Variants in GTF2I observed in about 807,000 individuals in gnomAD.
GTF2I encodes the protein general transcription factor IIi.
In GTF2I, 12 loss-of-function variants were observed where a neutral mutation model predicts 67.6. The ratio of observed to expected loss-of-function variants is 0.18; its 90% confidence interval spans 0.11 to 0.29. The LOEUF (loss-of-function observed/expected upper bound fraction) is 0.29. Among genes scored for constraint, GTF2I ranks in the 10% least tolerant of loss-of-function variants. The pLI, the probability that GTF2I is intolerant of heterozygous loss-of-function variation, is 1.00. For missense variants in GTF2I, 271 were observed against 580.1 expected (o/e 0.47, Z 5.47); for synonymous variants, 149 against 197.0 (o/e 0.76, Z 2.04).
At chr7:74,678,565 C>G (rs148212934) in intron 1 of GTF2I, among the ~76,000 whole-genome samples, 2 of 152,106 alleles carry the variant, frequency 1.3e-5, no homozygotes, top group Non-Finnish European at 2.9e-5. Flanking sequence ...CCTGGTGTTT[C>G]TCATCAGTTT....
At chr7:74,681,117 GAGAAT>G (rs1483972567) in intron 1 of GTF2I, among the ~76,000 whole-genome samples, 1 of 152,146 alleles carries the variant, frequency 6.6e-6, no homozygotes, top group Non-Finnish European at 1.5e-5. Context: ...AAAAAACGTT[GAGAAT>G]AGAAGAACTG....
chr7:74,704,296 T>TTTTTTTA (rs1790293004), intron 6 of GTF2I, among the ~76,000 whole-genome samples: 5 of 16,950 alleles, frequency 2.9e-4, no homozygotes, highest in African/African-American at 1.0e-3. Flanking sequence ...TTATTTATTT[T>TTTTTTTA]TTTATTTATT....
intron 15 of GTF2I, among the ~76,000 whole-genome samples, chr7:74,733,066 A>C (rs1426211087): frequency 1.4e-5 from 2 of 141,322 alleles, no homozygotes; most frequent in African/African-American, 5.2e-5. Context: ...TTCCAGGTTC[A>C]AGCGATTCTC....
At chr7:74,671,895 G>C (rs1480305737) in intron 1 of GTF2I, among the ~76,000 whole-genome samples, 3 of 151,694 alleles carry the variant, frequency 2.0e-5, no homozygotes, top group Non-Finnish European at 4.4e-5. Context: ...GAGGTGGGAG[G>C]ATTGCTTGAG....
At chr7:74,698,810 A>C (rs1789332137) in intron 3 of GTF2I, 151 bp from the exon 4 acceptor site, 1 of 354,028 alleles carries the variant, frequency 2.8e-6, no homozygotes, top group East Asian at 4.3e-5. Flanking sequence ...AAGAATGGTT[A>C]AGAAATAGTT....
At chr7:74,709,753 A>G (rs1791279777) in intron 8 of GTF2I, among the ~76,000 whole-genome samples, 4 of 151,090 alleles carry the variant, frequency 2.6e-5, no homozygotes, top group Admixed American at 2.6e-4. Context: ...GCTCACTGCA[A>G]CCTCCACCTC....
intron 11 of GTF2I, among the ~76,000 whole-genome samples, chr7:74,718,302 C>T (rs989041698): frequency 1.3e-5 from 2 of 152,202 alleles, no homozygotes; most frequent in Admixed American, 6.5e-5. Flanking sequence ...CTATAAGCTT[C>T]TAGCACTAAC....
rs587721508 is a variant in GTF2I, at chr7:74,689,041, G to A, written c.-5-83G>A. 53 of 760,562 alleles carry A rather than the reference G, an allele frequency of 7.0e-5. 1 individual carries two copies. The highest frequency in any genetic ancestry group is 6.0e-4 in the South Asian group (39 of 64,718). The allele number at this position is 760,562 out of a possible 1,614,324, so 47.1% of individuals were successfully genotyped here. A position where few individuals can be genotyped will look rare whatever the true frequency, so the allele number is the denominator to read the frequency against. ...CAAGAAAACTGTAAATTAGGCAGCC[G>A]GTGAGGGGCCCTCACAGCTTTGGCT... On this transcript the variant is annotated intron_variant, in intron 1 of 34. Coordinates refer to ENST00000573035, the MANE Select transcript of GTF2I (RefSeq NM_032999.4).
chr7:74,694,691 G>A (rs1323186321), intron 3 of GTF2I, among the ~76,000 whole-genome samples: 1 of 152,204 alleles, frequency 6.6e-6, no homozygotes, highest in Non-Finnish European at 1.5e-5. Context: ...TCTAGCTGAG[G>A]TAATTCATGA....
At chr7:74,699,142 G>T in intron 4 of GTF2I, 47 bp downstream of exon 4, 2 of 1,103,098 alleles carry the variant, frequency 1.8e-6, no homozygotes, top group Non-Finnish European at 2.5e-6. Context: ...TTATATAATT[G>T]AATTTTCTAA....
chr7:74,672,319 T>C (rs1176974556), intron 1 of GTF2I, among the ~76,000 whole-genome samples: 2 of 151,846 alleles, frequency 1.3e-5, no homozygotes, highest in Non-Finnish European at 2.9e-5. Flanking sequence ...CGTGCAGATA[T>C]TGCCTGGGCT....
chr7:74,687,285 C>T (rs771095072), intron 1 of GTF2I, among the ~76,000 whole-genome samples: 28 of 152,118 alleles, frequency 1.8e-4, no homozygotes, highest in Non-Finnish European at 2.9e-4. Flanking sequence ...AGTGCAGCAG[C>T]GCAATCTTGG....
chr7:74,696,199 C>T (rs1471786626), intron 3 of GTF2I, among the ~76,000 whole-genome samples: 4 of 151,886 alleles, frequency 2.6e-5, no homozygotes, highest in Non-Finnish European at 5.9e-5. Flanking sequence ...CCTGGCTGGT[C>T]TCGAACTCCT....
rs1460433714 is a variant in GTF2I, at chr7:74,680,091, A to AT, written c.-5-9033_-5-9032insT. Among the ~76,000 whole-genome samples, 14 of 101,842 alleles carry AT rather than the reference A, an allele frequency of 1.4e-4. No individual in the cohort carries two copies. In the Middle Eastern group the frequency reaches 0.013, roughly 95 times the overall value. The allele number at this position is 101,842 out of a possible 152,430, so 66.8% of individuals were successfully genotyped here. ...CCAGAGTCCATCTCAAAAAAAAAAA[A>AT]AAAAAAAAATATATATATATATATA... On this transcript the variant is annotated intron_variant, in intron 1 of 34. Coordinates refer to ENST00000573035, the MANE Select transcript of GTF2I (RefSeq NM_032999.4).
intron 1 of GTF2I, among the ~76,000 whole-genome samples, chr7:74,676,480 C>T (rs1805917915): frequency 1.3e-5 from 2 of 151,882 alleles, no homozygotes; most frequent in African/African-American, 4.8e-5. Context: ...CAAACCAAAA[C>T]CCTAGCAAAG....
intron 1 of GTF2I, among the ~76,000 whole-genome samples, chr7:74,676,356 G>A (rs1805908098): frequency 6.6e-6 from 1 of 152,148 alleles, no homozygotes; most frequent in Non-Finnish European, 1.5e-5. Context: ...GGTGGCAGAT[G>A]CCTGTAGTCC....
At chr7:74,706,060 C>T (rs1790633584) in intron 7 of GTF2I, among the ~76,000 whole-genome samples, 1 of 151,974 alleles carries the variant, frequency 6.6e-6, no homozygotes, top group South Asian at 2.1e-4. Flanking sequence ...TCAAGTGATT[C>T]AGGTGAGCGC....
intron 1 of GTF2I, among the ~76,000 whole-genome samples, chr7:74,669,166 G>C (rs1438284497): frequency 6.0e-5 from 9 of 149,180 alleles, no homozygotes; most frequent in African/African-American, 2.2e-4. Flanking sequence ...AAATGACATT[G>C]TTGAGAGCTT....
intron 3 of GTF2I, 71 bp downstream of exon 3, chr7:74,691,182 ATAT>A (rs1788258161): frequency 9.9e-7 from 1 of 1,011,748 alleles, no homozygotes; most frequent in South Asian, 1.6e-5. Context: ...AAGACAAGTT[ATAT>A]TATTTTCTTT....
Sources: allele counts gnomAD v4.1 joint callset (sites outside exome capture counted in the v4.1 genomes callset), GRCh38; gene constraint gnomAD v4.1.1; transcripts MANE v1.5; gene names NCBI Gene and HGNC (gene_info 2026-07-23, HGNC 2026-07-21).